AKR1D1: variants seen among roughly 807,000 people sequenced by gnomAD.
AKR1D1 encodes aldo-keto reductase family 1 member D1, also known as delta(4)-3-ketosteroid 5-beta-reductase.
A neutral mutation model predicts 42.6 loss-of-function variants in AKR1D1; 32 were observed. The observed-to-expected ratio is 0.75, with a 90% CI of 0.57 to 1.01. AKR1D1 has a LOEUF of 1.01. Among genes scored for constraint, AKR1D1 ranks in the 50% least tolerant of loss-of-function variants. The pLI is 0.00. For missense variants in AKR1D1, 364 were observed against 402.2 expected (o/e 0.91, Z 0.81); for synonymous variants, 123 against 135.5 (o/e 0.91, Z 0.64).
intron 1 of AKR1D1, among the ~76,000 whole-genome samples, chr7:138,088,035 C>T (rs757762614): frequency 3.3e-5 from 5 of 152,048 alleles, no homozygotes; most frequent in African/African-American, 4.8e-5. Context: ...GGACCACAGG[C>T]GCATGCCACC....
chr7:138,107,276 C>CA, intron 6 of AKR1D1, 139 bp from the exon 7 acceptor site: 1 of 903,120 alleles, frequency 1.1e-6, no homozygotes, highest in Non-Finnish European at 1.9e-6. Flanking sequence ...ACTCTGCACT[C>CA]AGAGAAACTG....
intron 3 of AKR1D1, among the ~76,000 whole-genome samples, chr7:138,097,537 G>T (rs549993050): frequency 6.6e-6 from 1 of 152,332 alleles, no homozygotes; most frequent in South Asian, 2.1e-4. Context: ...TGTCCCAGCA[G>T]GGGGAGCAGG....
chr7:138,094,186 C>T (rs756430494), intron 3 of AKR1D1, among the ~76,000 whole-genome samples: 11 of 152,086 alleles, frequency 7.2e-5, no homozygotes, highest in Non-Finnish European at 1.0e-4. Flanking sequence ...AGCTTAAGTA[C>T]GACATGTTTT....
At chr7:138,083,188 A>G (rs1410463561) in intron 1 of AKR1D1, among the ~76,000 whole-genome samples, 1 of 152,176 alleles carries the variant, frequency 6.6e-6, no homozygotes, top group Non-Finnish European at 1.5e-5. Flanking sequence ...TAATTTCTCT[A>G]CATCCTCACC....
chr7:138,100,974 GATT>G (rs1197184908), intron 4 of AKR1D1, among the ~76,000 whole-genome samples: 1 of 151,994 alleles, frequency 6.6e-6, no homozygotes, highest in Non-Finnish European at 1.5e-5. Flanking sequence ...AAAGTGCTGA[GATT>G]ATAGGCATGA....
At chr7:138,111,117 A>T (rs1468894226) in intron 7 of AKR1D1, among the ~76,000 whole-genome samples, 1 of 152,148 alleles carries the variant, frequency 6.6e-6, no homozygotes, top group Non-Finnish European at 1.5e-5. Flanking sequence ...TTGCAATAAC[A>T]ACTTCCTAAT....
At chr7:138,100,721 T>TC (rs1794286985) in intron 4 of AKR1D1, among the ~76,000 whole-genome samples, 1 of 145,184 alleles carries the variant, frequency 6.9e-6, no homozygotes, top group African/African-American at 2.7e-5. Context: ...TTTTTTTTTT[T>TC]TGAGGCGGAG....
chr7:138,091,576 T>A (rs1794077456), intron 2 of AKR1D1, among the ~76,000 whole-genome samples, 192 bp from the exon 3 acceptor site: 1 of 151,584 alleles, frequency 6.6e-6, no homozygotes, highest in African/African-American at 2.4e-5. Context: ...ATGCTTATAA[T>A]CCCAGCACTT....
intron 1 of AKR1D1, among the ~76,000 whole-genome samples, chr7:138,088,025 G>T (rs1793973071): frequency 6.6e-6 from 1 of 151,540 alleles, no homozygotes; most frequent in African/African-American, 2.4e-5. Flanking sequence ...CAAGTAACTG[G>T]GACCACAGGC....
Position 138,107,539 on chromosome 7 carries a change from C to T in AKR1D1, c.814C>T (p.Pro272Ser). The stretch of plus-strand genomic sequence containing the variant: ...CATCCAGCGAGGGGTGGTTGTCATT[C>T]CTAAAAGCTTTAATCTTGAAAGGAT... The part of the protein sequence containing the change: ...FNIQRGVVVI[P>S]KSFNLERIKE... Residue 272 changes from proline (P) to serine (S), a missense_variant, in exon 7 of 9, where the codon CCT becomes TCT. By Grantham distance (74) the Pro-to-Ser change is moderately conservative. Transcript: ENST00000242375. 6.2e-7 allele frequency: 1 copy of T among 1,614,078 alleles called. No homozygotes were observed. The highest frequency in any genetic ancestry group is 8.5e-7 in the Non-Finnish European group (1 of 1,180,000).
chr7:138,102,959 T>A (rs1053278496), intron 4 of AKR1D1, among the ~76,000 whole-genome samples: 4 of 152,222 alleles, frequency 2.6e-5, no homozygotes, highest in Non-Finnish European at 2.9e-5. Flanking sequence ...TAAACATTTA[T>A]CAGTATTCCA....
intron 8 of AKR1D1, among the ~76,000 whole-genome samples, chr7:138,115,436 C>T (rs930671825): frequency 9.9e-5 from 15 of 152,112 alleles, no homozygotes; most frequent in Middle Eastern, 3.4e-3. Flanking sequence ...CAAAACAAAA[C>T]AAAAAACAAA....
At chr7:138,110,194 CTG>C (rs1562938809) in intron 7 of AKR1D1, among the ~76,000 whole-genome samples, 1 of 151,548 alleles carries the variant, frequency 6.6e-6, no homozygotes, top group Non-Finnish European at 1.5e-5. Flanking sequence ...GTAAAATAAA[CTG>C]TTAGAAATAT....
chr7:138,083,452 T>C (rs1390768021), intron 1 of AKR1D1, among the ~76,000 whole-genome samples: 1 of 152,176 alleles, frequency 6.6e-6, no homozygotes, highest in Admixed American at 6.5e-5. Context: ...GCTATTGAGT[T>C]GTAGAAGTTC....
intron 6 of AKR1D1, chr7:138,107,078 T>C (rs974876584): frequency 2.0e-5 from 10 of 506,048 alleles, no homozygotes; most frequent in Non-Finnish European, 2.9e-5. Context: ...TAGAAATTTT[T>C]CTACTTTAAG....
chr7:138,106,606 A>T lies in AKR1D1; in HGVS notation c.580-2A>T. ...GCTCTGCTCTCCAATGCAACCACAT[A>T]GGTTGAGTGCCATCCGTATTTCACC... On this transcript the variant is annotated splice_acceptor_variant, in intron 5 of 8. Transcript: ENST00000242375. LOFTEE classifies it high-confidence loss of function. 3.1e-6 allele frequency: 5 copies of T among 1,612,596 alleles called. No homozygotes were observed. The highest frequency in any genetic ancestry group is 1.7e-4 in the Middle Eastern group (1 of 6,060).
At chr7:138,077,033 A>G (rs778908985) in intron 1 of AKR1D1, among the ~76,000 whole-genome samples, 1 of 152,182 alleles carries the variant, frequency 6.6e-6, no homozygotes, top group African/African-American at 2.4e-5. Context: ...TGAGGAAAAC[A>G]ATGTCTCTGT....
intron 1 of AKR1D1, among the ~76,000 whole-genome samples, chr7:138,084,586 T>C (rs1200196630): frequency 6.6e-6 from 1 of 152,168 alleles, no homozygotes; most frequent in Non-Finnish European, 1.5e-5. Flanking sequence ...ACCAGATTTT[T>C]TGTTTTACTG....
chr7:138,100,111 A>AAAAAAAAAC (rs1562935392), intron 4 of AKR1D1, among the ~76,000 whole-genome samples: 1 of 127,600 alleles, frequency 7.8e-6, no homozygotes, highest in African/African-American at 3.0e-5. Flanking sequence ...AAAAAAAAAA[A>AAAAAAAAAC]AAAAAAACAT....
Sources: gnomAD v4.1 joint callset for allele counts (sites outside exome capture counted in the v4.1 genomes callset) on GRCh38, gnomAD v4.1.1 for gene constraint, MANE v1.5 for transcripts, NCBI Gene and HGNC (gene_info 2026-07-23, HGNC 2026-07-21) for gene names.